LNX1: variants seen among roughly 807,000 people sequenced by gnomAD.
LNX1 encodes the protein E3 ubiquitin-protein ligase LNX.
LNX1 carries 54 observed loss-of-function variants against 68.4 expected under a neutral mutation model. The ratio of observed to expected loss-of-function variants is 0.79; its 90% CI spans 0.63 to 0.99. The LOEUF is 0.99. Among genes scored for constraint, LNX1 ranks in the 50% least tolerant of loss-of-function variants. LNX1 has a pLI of 0.00. For synonymous variants in LNX1, 336 were observed against 350.0 expected, an observed-to-expected ratio of 0.96 and a Z score of 0.45; for missense variants, 906 against 926.4, an observed-to-expected ratio of 0.98 and a Z score of 0.29.
At chr4:53,598,034 G>C (rs1560688204) in intron 2 of LNX1, among the ~76,000 whole-genome samples, 1 of 152,114 alleles carries the variant, frequency 6.6e-6, no homozygotes, top group Non-Finnish European at 1.5e-5. Context: ...GTCTCTGCGA[G>C]GTAAAGTAAC....
chr4:53,631,721 A>T (rs925728584), intron 1 of LNX1, among the ~76,000 whole-genome samples: 2 of 152,048 alleles, frequency 1.3e-5, no homozygotes, highest in African/African-American at 4.8e-5. Context: ...GCCCTAGGTG[A>T]TTCTAATATG....
At position 53,460,907 on chromosome 4, in the gene LNX1, C is replaced by CT. The variant is rs1426922152; in HGVS notation, c.2186dup (p.Ter729=). ...GTTTTCCTCTGACCCATCATTGATTCTATAAAAAAGTGCCAGGCCAAGAAA... is the reference window on the plus strand; with the variant it reads ...GTTTTCCTCTGACCCATCATTGATTCTTATAAAAAAGTGCCAGGCCAAGAAA... ...TIVSWPGTFL[*] Residue 729 remains the stop codon, a frameshift_variant and stop_retained_variant, in exon 11 of 11, where the codon TAG becomes TAAG. Coordinates refer to ENST00000263925, the MANE Select transcript of LNX1 (RefSeq NM_001126328.3). LOFTEE classifies it high-confidence loss of function. 3 of 1,607,376 alleles carry CT rather than the reference C, an allele frequency of 1.9e-6. No individual in the cohort carries two copies. The Admixed American group carries it at 5.1e-5, about 27-fold the overall frequency.
intron 2 of LNX1, among the ~76,000 whole-genome samples, chr4:53,534,763 A>C (rs1213258958): frequency 6.6e-6 from 1 of 152,222 alleles, no homozygotes; most frequent in Non-Finnish European, 1.5e-5. Context: ...TCTGTACTCA[A>C]GAGAGTACCA....
At chr4:53,604,970 A>G (rs1019394359) in intron 2 of LNX1, among the ~76,000 whole-genome samples, 8 of 152,364 alleles carry the variant, frequency 5.3e-5, no homozygotes, top group Non-Finnish European at 1.2e-4. Context: ...CAAAGTCACC[A>G]GGGAATTTCA....
intron 4 of LNX1, among the ~76,000 whole-genome samples, chr4:53,499,465 C>A (rs1298577653): frequency 3.3e-5 from 5 of 152,176 alleles, no homozygotes; most frequent in Non-Finnish European, 7.3e-5. Context: ...AGCTTATACT[C>A]ATTTCTTATA....
intron 7 of LNX1, among the ~76,000 whole-genome samples, chr4:53,481,512 T>A (rs139954893): frequency 6.6e-6 from 1 of 152,358 alleles, no homozygotes; most frequent in Non-Finnish European, 1.5e-5. Context: ...TTCAAAACTT[T>A]CCTGCACCTT....
In LNX1 at chr4:53,531,062, G is replaced by A. The variant is rs1209873855; in HGVS notation, c.381-22835C>T. Among the ~76,000 whole-genome samples, 6 of 152,292 alleles carry A rather than the reference G, an allele frequency of 3.9e-5. No individual in the cohort carries two copies. In the East Asian group the frequency reaches 9.7e-4, roughly 25 times the overall value. ...TGCCTATGGTCTCAGCTACTCAGGA[G>A]GCTGAGGTGGGAGGATGGCTTGAGC... On this transcript the variant is annotated intron_variant, in intron 2 of 10. Coordinates refer to ENST00000263925, the MANE Select transcript of LNX1 (RefSeq NM_001126328.3).
chr4:53,621,218 T>A (rs1733856298), upstream of LNX1, among the ~76,000 whole-genome samples: 1 of 152,070 alleles, frequency 6.6e-6, no homozygotes, highest in East Asian at 1.9e-4. Context: ...TCAGAAGACC[T>A]CCCCTAGCTG....
intron 2 of LNX1, among the ~76,000 whole-genome samples, chr4:53,544,920 C>T (rs766147944): frequency 2.0e-5 from 3 of 152,188 alleles, no homozygotes; most frequent in Non-Finnish European, 4.4e-5. Context: ...TCTGGAGTCC[C>T]GCTTGTGATC....
chr4:53,615,951 A>G (rs1193960723), intron 2 of LNX1, among the ~76,000 whole-genome samples: 2 of 152,168 alleles, frequency 1.3e-5, no homozygotes, highest in African/African-American at 4.8e-5. Flanking sequence ...TACAATTATT[A>G]TTGACTACAG....
intron 2 of LNX1, among the ~76,000 whole-genome samples, chr4:53,568,541 T>C (rs528102593): frequency 2.3e-4 from 35 of 149,134 alleles, no homozygotes; most frequent in African/African-American, 8.0e-4. Context: ...GCCAATATCA[T>C]ACTGAATGGG....
At chr4:53,472,089 A>C (rs989416107) in intron 9 of LNX1, among the ~76,000 whole-genome samples, 15 of 152,216 alleles carry the variant, frequency 9.9e-5, no homozygotes, top group African/African-American at 3.6e-4. Context: ...AACCAACCCA[A>C]ATTTCCAACA....
At chr4:53,608,889 A>G (rs1180756501) in intron 2 of LNX1, among the ~76,000 whole-genome samples, 1 of 152,174 alleles carries the variant, frequency 6.6e-6, no homozygotes, top group East Asian at 1.9e-4. Flanking sequence ...GTTCTCACTT[A>G]TAAGTGGAAG....
At position 53,573,812 on chromosome 4, in the gene LNX1, C is replaced by A; in HGVS notation, c.191G>T (p.Cys64Phe). ...TPCGHTYCTLCLTNFLVEKDF... is the reference protein window; with the variant it reads ...TPCGHTYCTLFLTNFLVEKDF... ...CTTCTCCACCAGGAAGTTGGTGAGG[C>A]AGAGGGTGCAGTAGGTGTGTCCACA... is the stretch of plus-strand genomic sequence containing the variant. Residue 64 changes from cysteine (C) to phenylalanine (F), a missense_variant, in exon 2 of 11, where the codon TGC becomes TTC. By Grantham distance (205) the Cys-to-Phe change is radical. Transcript: ENST00000263925. The A allele has an allele frequency of 6.2e-7, 1 of 1,613,232 alleles. No individual in the cohort carries two copies.
At chr4:53,572,853 C>A (rs1731251398) in intron 2 of LNX1, among the ~76,000 whole-genome samples, 1 of 152,106 alleles carries the variant, frequency 6.6e-6, no homozygotes, top group African/African-American at 2.4e-5. Context: ...GTTAGCAGAA[C>A]AAATTGCTTG....
intron 1 of LNX1, among the ~76,000 whole-genome samples, chr4:53,646,146 T>A (rs555776942): frequency 6.6e-6 from 1 of 152,304 alleles, no homozygotes; most frequent in Admixed American, 6.5e-5. Context: ...TTTCTATTGG[T>A]CTTATCATCC....
In LNX1 at chr4:53,629,233, G is replaced by A. The variant is rs149458092; in HGVS notation, c.-215+22935C>T. On this transcript the variant is annotated intron_variant, in intron 1 of 2. Coordinates refer to the LNX1 transcript ENST00000507168. ...TGTCTGGATTGATTAGGGGGCTACC[G>A]AAATAGAGGGGTGGCTAAAGGTCCC... 3.7e-3 allele frequency among the ~76,000 whole-genome samples: 567 copies of A among 152,160 alleles called. 2 individuals are homozygous for A. Among genetic ancestry groups the A allele is most frequent in the African/African-American group, 0.013 (533 of 41,522 alleles).
rs753433715 is a variant in LNX1 at position 53,461,431 on chromosome 4, T to C, written c.2051+4A>G. On this transcript the variant is annotated splice_donor_region_variant and intron_variant, in intron 10 of 10. Transcript: ENST00000263925. ...AAGTATTTTTGATTAGTCATTATTATTACCTAATTCTTCCATCATTGTATG... is the reference window on the plus strand; with the variant it reads ...AAGTATTTTTGATTAGTCATTATTACTACCTAATTCTTCCATCATTGTATG... 5 of 1,600,186 alleles carry C rather than the reference T, an allele frequency of 3.1e-6. No homozygotes were observed. The highest frequency in any genetic ancestry group is 2.2e-5 in the East Asian group (1 of 44,796).
In LNX1 at chr4:53,530,939, G is replaced by A. The variant is rs531654290; in HGVS notation, c.381-22712C>T. ...AGCACCCTGGGAGGCTTAGGCAGGA[G>A]GTATTGCTTGAGCTCAGGGGTTTGA... is the stretch of plus-strand genomic sequence containing the variant. On this transcript the variant is annotated intron_variant, in intron 2 of 10. Coordinates refer to ENST00000263925, the MANE Select transcript of LNX1 (RefSeq NM_001126328.3). 2.6e-5 allele frequency among the ~76,000 whole-genome samples: 4 copies of A among 152,286 alleles called. No homozygotes were observed. The South Asian group carries it at 8.3e-4, about 32-fold the overall frequency.
Sources: gnomAD v4.1 joint callset for allele counts (sites outside exome capture counted in the v4.1 genomes callset) on GRCh38, gnomAD v4.1.1 for gene constraint, MANE v1.5 for transcripts, NCBI Gene and HGNC (gene_info 2026-07-23, HGNC 2026-07-21) for gene names.